ATXN2: variants seen among roughly 807,000 people sequenced by gnomAD.
The protein encoded by ATXN2 is ataxin-2.
Under a neutral mutation model 138.6 loss-of-function variants are expected in ATXN2, and 37 were observed. The observed-to-expected ratio is 0.27, with a 90% CI of 0.21 to 0.35. The LOEUF (loss-of-function observed/expected upper bound fraction) is 0.35, where lower values mean the gene tolerates loss of function less well. ATXN2 is among the 10% of genes least tolerant of loss of function. The pLI is 1.00. For missense variants in ATXN2, 1,216 were observed against 1,480.3 expected (o/e 0.82, Z 2.93); for synonymous variants, 549 against 543.7 (o/e 1.01, Z -0.13).
rs182086395 is a variant in ATXN2 at position 111,550,984 on chromosome 12, G to C, written c.571+1296C>G. Among the ~76,000 whole-genome samples, 5 of 152,244 alleles carry C rather than the reference G, an allele frequency of 3.3e-5. No individual in the cohort carries two copies. The East Asian group carries it at 9.7e-4, about 29-fold the overall frequency. On this transcript the variant is annotated intron_variant, in intron 5 of 24. Coordinates refer to ENST00000673436, the MANE Select transcript of ATXN2 (RefSeq NM_001372574.1). ...ATTACGTATTTCACTACAGAATTTG[G>C]CATATACAAATAAATAAAAGAATTT...
At position 111,517,412 on chromosome 12, in the gene ATXN2, C is replaced by T. The variant is rs145331668; in HGVS notation, c.1165+837G>A. On this transcript the variant is annotated intron_variant, in intron 9 of 24. Transcript: ENST00000673436. ...TTCTGGAGAAAAGACTCAATGAAAA[C>T]AAATGAAATTGGAAACTTAGTGTTC... 5.7e-4 allele frequency among the ~76,000 whole-genome samples: 87 copies of T among 152,228 alleles called. No individual in the cohort carries two copies. The East Asian group carries it at 0.017, about 29-fold the overall frequency.
intron 5 of ATXN2, among the ~76,000 whole-genome samples, chr12:111,548,725 G>A (rs1030117928): frequency 3.9e-5 from 6 of 152,112 alleles, no homozygotes; most frequent in Non-Finnish European, 7.4e-5. Flanking sequence ...AGGGGACTGT[G>A]AGGCAAGAAA....
intron 1 of ATXN2, among the ~76,000 whole-genome samples, chr12:111,559,782 A>C (rs545232439): frequency 2.5e-4 from 38 of 151,860 alleles, no homozygotes; most frequent in South Asian, 1.2e-3. Flanking sequence ...AAAAACAAAA[A>C]AAAAAAAACT....
At position 111,525,329 on chromosome 12, in the gene ATXN2, GT is replaced by G. The variant is rs1169746387; in HGVS notation, c.572-14del. ...TCAGTAAAAGCATCTGCAAAGAATG[GT>G]TTTGGTTGAAAGTTTATATAATCTG... is the stretch of plus-strand genomic sequence containing the variant. On this transcript the variant is annotated splice_polypyrimidine_tract_variant and intron_variant, in intron 5 of 24. Coordinates refer to ENST00000673436, the MANE Select transcript of ATXN2 (RefSeq NM_001372574.1). 1.1e-5 allele frequency: 17 copies of G among 1,551,156 alleles called. No homozygotes were observed. In the Admixed American group the frequency reaches 1.5e-4, roughly 13 times the overall value.
intron 21 of ATXN2, among the ~76,000 whole-genome samples, chr12:111,460,366 G>A (rs1041767697): frequency 7.2e-5 from 11 of 152,132 alleles, no homozygotes; most frequent in African/African-American, 2.4e-4. Context: ...GAGCCACCGC[G>A]CCCAGCCACA....
chr12:111,565,408 C>T (rs538092117), intron 1 of ATXN2, among the ~76,000 whole-genome samples: 4 of 151,938 alleles, frequency 2.6e-5, no homozygotes, highest in South Asian at 2.1e-4. Flanking sequence ...TTATTGTATA[C>T]GTTATAGTAA....
chr12:111,558,417 A>C (rs1279384587), intron 1 of ATXN2, among the ~76,000 whole-genome samples: 1 of 152,228 alleles, frequency 6.6e-6, no homozygotes, highest in Non-Finnish European at 1.5e-5. Context: ...AGGTTTAACA[A>C]AACACTAATA....
At chr12:111,570,740 A>C (rs1389547488) in intron 1 of ATXN2, among the ~76,000 whole-genome samples, 1 of 152,112 alleles carries the variant, frequency 6.6e-6, no homozygotes, top group Non-Finnish European at 1.5e-5. Context: ...CAGTGCTACC[A>C]ATTTAAACTA....
intron 1 of ATXN2, among the ~76,000 whole-genome samples, chr12:111,591,447 A>AT (rs1229512480): frequency 6.6e-6 from 1 of 152,096 alleles, no homozygotes; most frequent in Non-Finnish European, 1.5e-5. Context: ...AGGCAGGAGG[A>AT]TCACTTGAGC....
intron 20 of ATXN2, among the ~76,000 whole-genome samples, chr12:111,466,909 TTAATA>T (rs1330965909): frequency 6.6e-6 from 1 of 152,014 alleles, no homozygotes; most frequent in Non-Finnish European, 1.5e-5. Context: ...GACAATATAT[TTAATA>T]TATTTATAAA....
intron 3 of ATXN2, among the ~76,000 whole-genome samples, chr12:111,553,531 C>T (rs1195310826): frequency 7.8e-6 from 1 of 128,850 alleles, no homozygotes; most frequent in Non-Finnish European, 1.5e-5. Context: ...GAAAAACGTC[C>T]GTACATCTTT....
At chr12:111,538,087 C>T (rs1379154081) in intron 5 of ATXN2, among the ~76,000 whole-genome samples, 2 of 151,620 alleles carry the variant, frequency 1.3e-5, no homozygotes, top group African/African-American at 4.9e-5. Flanking sequence ...CAAAATGAGA[C>T]CCTGTCTCAA....
intron 1 of ATXN2, among the ~76,000 whole-genome samples, chr12:111,589,720 C>G (rs1317994380): frequency 1.3e-5 from 2 of 151,662 alleles, no homozygotes; most frequent in African/African-American, 4.8e-5. Context: ...TGCACTGAGC[C>G]GATATCCTGC....
intron 1 of ATXN2, among the ~76,000 whole-genome samples, chr12:111,586,699 T>G (rs1051104536): frequency 6.6e-6 from 1 of 151,944 alleles, no homozygotes; most frequent in Non-Finnish European, 1.5e-5. Flanking sequence ...TTTCTGTTTT[T>G]CAGTAGAGAC....
chr12:111,488,343 T>G, intron 15 of ATXN2, 133 bp downstream of exon 15: 1 of 890,686 alleles, frequency 1.1e-6, no homozygotes, highest in East Asian at 2.6e-5. Context: ...ACTAGCTGTT[T>G]GTAAACTAAG....
intron 1 of ATXN2, among the ~76,000 whole-genome samples, chr12:111,597,367 G>A (rs1669035850): frequency 1.3e-5 from 2 of 152,226 alleles, no homozygotes; most frequent in African/African-American, 2.4e-5. Flanking sequence ...AGCCCAAGAT[G>A]CCTATTTAAG....
rs1276087803 is a variant in ATXN2 at position 111,453,781 on chromosome 12, G to A, written c.3335C>T (p.Thr1112Met). 8.1e-6 allele frequency: 13 copies of A among 1,613,980 alleles called. No homozygotes were observed. The highest frequency in any genetic ancestry group is 3.3e-5 in the Admixed American group (2 of 59,982). ...CTGGGGACCGCCGGGTGGCTGTGTC[G>A]TCATTAGCATCATTGGCGCATGGGC... ...PTAHAPMMLM[T>M]TQPPGGPQAA... Residue 1112 changes from threonine (T) to methionine (M), a missense_variant, in exon 24 of 25, where the codon ACG (threonine) becomes ATG (methionine). By Grantham distance (81) the Thr-to-Met change is moderately conservative. Around this residue, in one of 4 missense-constraint regions of ATXN2, gnomAD observed 490 missense variants for 653.5 expected, o/e 0.75. Transcript: ENST00000673436. The surrounding 1 kb of genome is among the most constrained non-coding windows in gnomAD (Gnocchi z 5.4).
intron 1 of ATXN2, among the ~76,000 whole-genome samples, chr12:111,557,915 C>A (rs1208656816): frequency 6.6e-6 from 1 of 152,154 alleles, no homozygotes; most frequent in East Asian, 1.9e-4. Context: ...AAACCTTGAA[C>A]AAATGCCACG....
intron 7 of ATXN2, among the ~76,000 whole-genome samples, chr12:111,520,487 CT>C (rs910509526): frequency 6.6e-5 from 10 of 151,994 alleles, no homozygotes; most frequent in African/African-American, 1.9e-4. Flanking sequence ...CCCGTCTCTA[CT>C]AAAAATACAG....
Sources: gnomAD v4.1 joint callset for allele counts (sites outside exome capture counted in the v4.1 genomes callset) on GRCh38, gnomAD v4.1.1 for gene constraint, gnomAD v4.1.1 regional missense constraint, Gnocchi (gnomAD v3.1) non-coding constraint, MANE v1.5 for transcripts, NCBI Gene and HGNC (gene_info 2026-07-23, HGNC 2026-07-21) for gene names.